The following DNAH6 variants were observed in gnomAD, a reference collection of about 807,000 sequenced individuals.
DNAH6 encodes axonemal beta dynein heavy chain 6.
Under a neutral mutation model 491.4 loss-of-function variants are expected in DNAH6, and 340 were observed. The ratio of observed to expected loss-of-function variants is 0.69; its 90% confidence interval spans 0.63 to 0.76. DNAH6 has a LOEUF of 0.76. Among genes scored for constraint, DNAH6 ranks in the 30% least tolerant of loss-of-function variants. The pLI is 0.00. For synonymous variants in DNAH6, 1,603 were observed against 1,686.1 expected (o/e 0.95, Z 1.21); for missense variants, 4,443 against 4,972.2 (o/e 0.89, Z 3.20).
rs180799880 is a variant in DNAH6 at position 84,523,361 on chromosome 2, A to G, written c.226-2204A>G. ...TTTCTCTTTCCTTCTTTATTAATCT[A>G]GCTATTAATGGCCTATCTGTCTTAT... On this transcript the variant is annotated intron_variant, in intron 2 of 76. Coordinates refer to ENST00000389394, the MANE Select transcript of DNAH6 (RefSeq NM_001370.2). Among the ~76,000 whole-genome samples the G allele has an allele frequency of 2.6e-5, 4 of 151,856 alleles. No individual in the cohort carries two copies. The East Asian group carries it at 7.7e-4, about 29-fold the overall frequency.
At chr2:84,797,831 C>T (rs1660581626) in intron 70 of DNAH6, among the ~76,000 whole-genome samples, 173 bp downstream of exon 70, 1 of 152,192 alleles carries the variant, frequency 6.6e-6, no homozygotes, top group East Asian at 1.9e-4. Context: ...ACCTCTGGGT[C>T]CTTCACAGAA....
At chr2:84,757,834 A>G (rs1674192021) in intron 63 of DNAH6, among the ~76,000 whole-genome samples, 1 of 152,148 alleles carries the variant, frequency 6.6e-6, no homozygotes, top group South Asian at 2.1e-4. Flanking sequence ...CACCTTCCTG[A>G]GAGACAACTA....
At chr2:84,667,234 CA>C (rs1272548986) in intron 37 of DNAH6, among the ~76,000 whole-genome samples, 2 of 152,144 alleles carry the variant, frequency 1.3e-5, no homozygotes, top group African/African-American at 4.8e-5. Flanking sequence ...CAACAAAAGC[CA>C]AAATTGACAA....
chr2:84,740,731 T>C (rs935473293), intron 62 of DNAH6, among the ~76,000 whole-genome samples: 3 of 152,152 alleles, frequency 2.0e-5, no homozygotes, highest in Admixed American at 6.5e-5. Context: ...TTATGACCCA[T>C]GCAGACCAGT....
chr2:84,549,499 A>G (rs547041744), intron 8 of DNAH6, among the ~76,000 whole-genome samples: 1 of 152,370 alleles, frequency 6.6e-6, no homozygotes, highest in Non-Finnish European at 1.5e-5. Context: ...CAAAGATTTT[A>G]CACTTTTACT....
At chr2:84,718,092 C>T (rs1697725562) in intron 58 of DNAH6, 112 bp from the exon 59 acceptor site, 1 of 876,134 alleles carries the variant, frequency 1.1e-6, no homozygotes, top group South Asian at 2.3e-5. Context: ...AGCATTAATG[C>T]TCAGCTGAAT....
chr2:84,648,223 A>G (rs1156545629), intron 33 of DNAH6, among the ~76,000 whole-genome samples: 1 of 152,352 alleles, frequency 6.6e-6, no homozygotes, highest in Non-Finnish European at 1.5e-5. Context: ...TTAAAATATT[A>G]CTGCTCATTG....
chr2:84,528,730 A>G (rs994801725), intron 3 of DNAH6, among the ~76,000 whole-genome samples, 174 bp from the exon 4 acceptor site: 8 of 152,216 alleles, frequency 5.3e-5, no homozygotes, highest in Admixed American at 1.3e-4. Flanking sequence ...AGTACTGAGA[A>G]GGAATATGAC....
rs572659595 is a variant in DNAH6 at position 84,672,006 on chromosome 2, C to A, written c.6455-321C>A. ...ATGTTCCTCATTCATGCCTAAGCCA[C>A]ATGGTTGCTGAGGGCAGTGAGTGTG... is the stretch of plus-strand genomic sequence containing the variant. On this transcript the variant is annotated intron_variant, in intron 39 of 76. Coordinates refer to ENST00000389394, the MANE Select transcript of DNAH6 (RefSeq NM_001370.2). 3.3e-5 allele frequency among the ~76,000 whole-genome samples: 5 copies of A among 152,326 alleles called. No individual in the cohort carries two copies. In the South Asian group the frequency reaches 8.3e-4, roughly 25 times the overall value.
intron 10 of DNAH6, among the ~76,000 whole-genome samples, chr2:84,553,359 CTT>C (rs1377318916): frequency 2.8e-5 from 1 of 36,096 alleles, no homozygotes. Context: ...CTTTTCTTTT[CTT>C]TTCTTTTCTT....
chr2:84,805,464 C>T (rs1679327002), intron 70 of DNAH6, among the ~76,000 whole-genome samples: 1 of 152,130 alleles, frequency 6.6e-6, no homozygotes, highest in South Asian at 2.1e-4. Flanking sequence ...AACATTGTAC[C>T]TATAGTCAGC....
intron 67 of DNAH6, 86 bp downstream of exon 67, chr2:84,785,842 T>C: frequency 7.6e-7 from 1 of 1,320,778 alleles, no homozygotes; most frequent in South Asian, 1.7e-5. Flanking sequence ...AGCTTATAAA[T>C]GTCATTGTGA....
intron 20 of DNAH6, among the ~76,000 whole-genome samples, chr2:84,606,342 A>T (rs539468242): frequency 2.6e-5 from 4 of 152,174 alleles, no homozygotes; most frequent in African/African-American, 9.7e-5. Flanking sequence ...GTTTAGGCCA[A>T]TTGATGTCAT....
intron 62 of DNAH6, among the ~76,000 whole-genome samples, chr2:84,738,388 C>T (rs1385445998): frequency 2.6e-5 from 4 of 151,876 alleles, no homozygotes; most frequent in Non-Finnish European, 5.9e-5. Context: ...AATTTATGTC[C>T]AGAATTGGTC....
intron 39 of DNAH6, 66 bp downstream of exon 39, chr2:84,670,541 G>A: frequency 3.7e-6 from 4 of 1,083,292 alleles, no homozygotes; most frequent in South Asian, 3.0e-5. Context: ...GACATAAATA[G>A]TGCATGTAAT....
intron 11 of DNAH6, among the ~76,000 whole-genome samples, chr2:84,571,302 G>A (rs1681840441): frequency 6.6e-6 from 1 of 152,092 alleles, no homozygotes; most frequent in Non-Finnish European, 1.5e-5. Flanking sequence ...AATAAGAAAT[G>A]GGTTATTTAC....
chr2:84,501,832 C>T, the DNAH6 span, among the ~76,000 whole-genome samples: 1 of 151,196 alleles, frequency 6.6e-6, no homozygotes, highest in East Asian at 2.0e-4. Flanking sequence ...TCATAGCAGC[C>T]ACTAATGATC....
At chr2:84,801,135 T>A (rs1559056586) in intron 70 of DNAH6, among the ~76,000 whole-genome samples, 1 of 147,306 alleles carries the variant, frequency 6.8e-6, no homozygotes, top group Non-Finnish European at 1.5e-5. Flanking sequence ...TTGGGAGATA[T>A]ACCTAATGCT....
chr2:84,592,362 C>T (rs555003579), intron 16 of DNAH6, among the ~76,000 whole-genome samples: 2,171 of 152,102 alleles, frequency 0.014, 53 homozygotes, highest in African/African-American at 0.05. Context: ...CATCAATAAT[C>T]ATCAGGAAAA....
Sources: allele counts gnomAD v4.1 joint callset (sites outside exome capture counted in the v4.1 genomes callset), GRCh38; gene constraint gnomAD v4.1.1; transcripts MANE v1.5; gene names NCBI Gene and HGNC (gene_info 2026-07-23, HGNC 2026-07-21).